The following HMCN1 variants were observed in gnomAD, a reference collection of about 807,000 sequenced individuals.
HMCN1 encodes the protein hemicentin 1, also known as hemicentin-1.
A neutral mutation model predicts 625.9 loss-of-function variants in HMCN1; 321 were observed. The ratio of observed to expected loss-of-function variants is 0.51; its 90% CI spans 0.47 to 0.56. HMCN1 has a LOEUF of 0.56. Ranked by LOEUF, HMCN1 falls within the 20% of genes least tolerant of loss-of-function variation. The pLI is 0.00. For synonymous variants in HMCN1, 2,425 were observed against 2,417.6 expected (o/e 1.00, Z -0.09); for missense variants, 6,588 against 6,887.3 (o/e 0.96, Z 1.54).
At chr1:186,133,592 C>T (rs547419783) in intron 86 of HMCN1, among the ~76,000 whole-genome samples, 13 of 152,246 alleles carry the variant, frequency 8.5e-5, no homozygotes, top group Admixed American at 5.9e-4. Flanking sequence ...TGACTAGGCT[C>T]AGTATTTAAC....
At chr1:185,745,424 A>G (rs1274530989) in intron 1 of HMCN1, among the ~76,000 whole-genome samples, 1 of 152,100 alleles carries the variant, frequency 6.6e-6, no homozygotes, top group Non-Finnish European at 1.5e-5. Flanking sequence ...TCATAATATT[A>G]ACTCTGCTTT....
In HMCN1 at chr1:186,145,520, C is replaced by G; in HGVS notation, c.14384C>G (p.Ala4795Gly). 1 of 1,614,090 alleles carries G rather than the reference C, an allele frequency of 6.2e-7. No homozygotes were observed. Among genetic ancestry groups the G allele is most frequent in the Non-Finnish European group, 8.5e-7 (1 of 1,179,982 alleles). Residue 4795 changes from alanine to glycine, a missense_variant, in exon 92 of 107, where the codon GCT (alanine) becomes GGT (glycine). Transcript: ENST00000271588. ...DNPPPSNGGR[A>G]CGGPDSQIQR... ...CCTCCTCCCTCCAATGGGGGAAGAG[C>G]TTGTGGGGGACCAGACTCCCAGATC...
At chr1:185,970,605 G>A (rs989665028) in intron 15 of HMCN1, 112 bp downstream of exon 15, 4 of 887,920 alleles carry the variant, frequency 4.5e-6, no homozygotes, top group South Asian at 4.0e-5. Context: ...GGCAAAATTA[G>A]AGGGTGCATT....
At chr1:186,071,611 C>A (rs1158180386) in intron 52 of HMCN1, among the ~76,000 whole-genome samples, 2 of 152,128 alleles carry the variant, frequency 1.3e-5, no homozygotes, top group Non-Finnish European at 2.9e-5. Context: ...AAGTTCAGAT[C>A]ATAATCATGA....
chr1:186,035,475 G>A (rs6698240), intron 36 of HMCN1, among the ~76,000 whole-genome samples: 98,018 of 151,912 alleles, frequency 0.65, 33,580 homozygotes, highest in African/African-American at 0.9. Flanking sequence ...GGTTTATTGT[G>A]TTGGTCTTCT....
In HMCN1 at chr1:186,132,311, G is replaced by T. The variant is rs769506242; in HGVS notation, c.13231-17G>T. ...TGTAGGCTCATATTTTTGTAAAAACGCTGCTTATTTCCATAGAATGAAGAT... is the reference window on the plus strand; with the variant it reads ...TGTAGGCTCATATTTTTGTAAAAACTCTGCTTATTTCCATAGAATGAAGAT... On this transcript the variant is annotated splice_polypyrimidine_tract_variant and intron_variant, in intron 85 of 106. Transcript: ENST00000271588. 5.0e-6 allele frequency: 8 copies of T among 1,602,484 alleles called. No homozygotes were observed. The highest frequency in any genetic ancestry group is 4.3e-6 in the Non-Finnish European group (5 of 1,171,064).
intron 2 of HMCN1, among the ~76,000 whole-genome samples, chr1:185,846,751 A>G (rs114585396): frequency 7.9e-5 from 12 of 152,234 alleles, no homozygotes; most frequent in Non-Finnish European, 1.8e-4. Context: ...CATTTTGGCG[A>G]TCGGTACCTG....
chr1:186,020,708 A>G (rs1654666258), intron 35 of HMCN1, among the ~76,000 whole-genome samples: 1 of 152,138 alleles, frequency 6.6e-6, no homozygotes. Context: ...AGAGTTCAGA[A>G]GACTCCATAG....
At chr1:185,873,997 G>A (rs1297073645) in intron 4 of HMCN1, among the ~76,000 whole-genome samples, 1 of 151,838 alleles carries the variant, frequency 6.6e-6, no homozygotes, top group Non-Finnish European at 1.5e-5. Flanking sequence ...TTATTTTAAA[G>A]TAGAAAAGCC....
chr1:185,880,206 AT>A (rs1664212513), intron 4 of HMCN1, among the ~76,000 whole-genome samples: 1 of 152,182 alleles, frequency 6.6e-6, no homozygotes, highest in South Asian at 2.1e-4. Flanking sequence ...GGAGTCCAAC[AT>A]TGGAATGGAC....
Position 186,094,291 on chromosome 1 carries a change from GGT to G in HMCN1, c.10215_10216del (p.Ser3406Ter). 1 of 1,613,048 alleles carries G rather than the reference GGT, an allele frequency of 6.2e-7. No individual in the cohort carries two copies. The highest frequency in any genetic ancestry group is 8.5e-7 in the Non-Finnish European group (1 of 1,179,298). ...GQVIRIVRAQ[V>X]SDVAVYTCVA... ...TGTTTCTCAGGATTGTGAGAGCTCA[GGT>G]GTCTGATGTCGCTGTGTATACTTGT... On this transcript the variant is annotated frameshift_variant, in exon 67 of 107. Coordinates refer to ENST00000271588, the MANE Select transcript of HMCN1 (RefSeq NM_031935.3). LOFTEE classifies it high-confidence loss of function.
At chr1:185,797,965 CAAAAAAAAAAA>C (rs35031310) in intron 1 of HMCN1, among the ~76,000 whole-genome samples, 3 of 13,666 alleles carry the variant, frequency 2.2e-4, no homozygotes, top group Middle Eastern at 0.083. Context: ...GACTCCGTCT[CAAAAAAAAAAA>C]AAAAAAAAAA....
At chr1:186,076,682 T>C (rs781762310) in intron 54 of HMCN1, 60 bp downstream of exon 54, 6 of 1,515,462 alleles carry the variant, frequency 4.0e-6, no homozygotes, top group Non-Finnish European at 5.5e-6. Context: ...TTTCCTCTCA[T>C]GTATTAGACG....
intron 52 of HMCN1, among the ~76,000 whole-genome samples, chr1:186,074,234 A>ACAG (rs1553289076): frequency 6.6e-6 from 1 of 151,464 alleles, no homozygotes; most frequent in Admixed American, 6.6e-5. Flanking sequence ...TTTCAATAAA[A>ACAG]CATAATATAA....
At chr1:185,911,884 G>A in intron 6 of HMCN1, 104 bp downstream of exon 6, 1 of 865,876 alleles carries the variant, frequency 1.2e-6, no homozygotes, top group Non-Finnish European at 2.0e-6. Flanking sequence ...TGCTATCATG[G>A]AGAGTGCTTG....
chr1:186,063,066 G>GAATATA (rs1491400415), intron 48 of HMCN1, among the ~76,000 whole-genome samples: 3 of 29,942 alleles, frequency 1.0e-4, no homozygotes, highest in African/African-American at 1.8e-4. Flanking sequence ...GTGTGTGTGT[G>GAATATA]CATATATATA....
chr1:185,875,289 C>G (rs984501216), intron 4 of HMCN1, among the ~76,000 whole-genome samples: 2 of 151,938 alleles, frequency 1.3e-5, no homozygotes, highest in African/African-American at 2.4e-5. Flanking sequence ...GCCATTTCCA[C>G]TAACAGAAAA....
chr1:186,090,625 T>G, intron 63 of HMCN1, 133 bp from the exon 64 acceptor site: 1 of 959,362 alleles, frequency 1.0e-6, no homozygotes, highest in South Asian at 1.5e-5. Flanking sequence ...TTCATGAAGA[T>G]AACAATAGTT....
intron 11 of HMCN1, among the ~76,000 whole-genome samples, chr1:185,960,124 C>CTTTTTTT (rs1167408279): frequency 1.8e-5 from 2 of 108,924 alleles, no homozygotes; most frequent in Non-Finnish European, 1.9e-5. Flanking sequence ...CAGGAATATT[C>CTTTTTTT]TTTTTTTTTT....
Sources: allele counts gnomAD v4.1 joint callset (sites outside exome capture counted in the v4.1 genomes callset), GRCh38; gene constraint gnomAD v4.1.1; transcripts MANE v1.5; gene names NCBI Gene and HGNC (gene_info 2026-07-23, HGNC 2026-07-21).